DNAJB1: variants seen among roughly 807,000 people sequenced by gnomAD.
DNAJB1 encodes the protein DnaJ heat shock protein family (Hsp40) member B1.
In DNAJB1, 14 loss-of-function variants were observed where a neutral mutation model predicts 24.0. The ratio of observed to expected loss-of-function variants is 0.58; its 90% CI spans 0.39 to 0.91. DNAJB1 has a LOEUF of 0.91. Among genes scored for constraint, DNAJB1 ranks in the 40% least tolerant of loss-of-function variants. DNAJB1 has a pLI of 0.00. For missense variants in DNAJB1, 517 were observed against 458.1 expected (o/e 1.13, Z -1.17); for synonymous variants, 262 against 174.4 (o/e 1.50, Z -3.96).
chr19:14,538,325 T>C (rs1165270947), intron 1 of DNAJB1, among the ~76,000 whole-genome samples: 1 of 152,060 alleles, frequency 6.6e-6, no homozygotes, highest in Non-Finnish European at 1.5e-5. Context: ...AGCTTCAGTT[T>C]TGTCACCCTG....
At chr19:14,518,909 G>A (rs936743415), upstream of DNAJB1, among the ~76,000 whole-genome samples, 9 of 152,220 alleles carry the variant, frequency 5.9e-5, no homozygotes, top group African/African-American at 1.9e-4. Context: ...CTAACCCAGG[G>A]GCCCCCTTCT....
chr19:14,529,034 T>C (rs1202944023), intron 1 of DNAJB1: 1 of 155,768 alleles, frequency 6.4e-6, no homozygotes, highest in African/African-American at 2.4e-5. Context: ...CTCAAGGTTC[T>C]TGCAGGTTGG....
intron 1 of DNAJB1, among the ~76,000 whole-genome samples, chr19:14,534,924 C>T (rs1254850212): frequency 6.6e-6 from 1 of 152,174 alleles, no homozygotes; most frequent in Non-Finnish European, 1.5e-5. Flanking sequence ...TGATGCTGCC[C>T]TAGGACAGCT....
At chr19:14,525,148 G>A (rs1300514845) in intron 2 of DNAJB1, among the ~76,000 whole-genome samples, 3 of 149,366 alleles carry the variant, frequency 2.0e-5, no homozygotes, top group Non-Finnish European at 4.5e-5. Context: ...CAGGAGAATC[G>A]CTTGAACCCA....
upstream of DNAJB1, among the ~76,000 whole-genome samples, chr19:14,555,118 A>G (rs1034018954): frequency 1.3e-5 from 2 of 149,556 alleles, no homozygotes; most frequent in Non-Finnish European, 3.0e-5. Context: ...TTTGTCCCCC[A>G]GGCAGGGGTG....
At chr19:14,532,512 CAAAAAAAAAAAAA>C (rs748457923), upstream of DNAJB1, 1 of 73,708 alleles carries the variant, frequency 1.4e-5, no homozygotes, top group Admixed American at 1.5e-4. Flanking sequence ...GAGTCTGTCT[CAAAAAAAAAAAAA>C]AAAAAAAAAA....
Position 14,515,897 on chromosome 19 carries a change from G to T in DNAJB1, c.*43C>A. ...GGTAGAAAGGTCCAGAAATCCTTGAGCTCTGGAAAGGTCCCTGGTCAGTCC... is the reference window on the plus strand; with the variant it reads ...GGTAGAAAGGTCCAGAAATCCTTGATCTCTGGAAAGGTCCCTGGTCAGTCC... On this transcript the variant is annotated 3_prime_UTR_variant, in exon 3 of 3. Transcript: ENST00000254322. 6.3e-7 allele frequency: 1 copy of T among 1,577,728 alleles called. No individual in the cohort carries two copies. Among genetic ancestry groups the T allele is most frequent in the Non-Finnish European group, 8.6e-7 (1 of 1,158,146 alleles).
At chr19:14,527,344 G>A (rs2072446617) in intron 2 of DNAJB1, 1 of 151,692 alleles carries the variant, frequency 6.6e-6, no homozygotes, top group Admixed American at 6.6e-5. Context: ...ACCACACCCA[G>A]ATAATTTTTG....
At chr19:14,529,804 G>T (rs140756444), upstream of DNAJB1, 2 of 1,582,330 alleles carry the variant, frequency 1.3e-6, no homozygotes, top group African/African-American at 1.3e-5. Context: ...CTGGTCCTGT[G>T]CCCCGAAGGA....
intron 1 of DNAJB1, among the ~76,000 whole-genome samples, chr19:14,548,316 T>A (rs1232025975): frequency 6.6e-6 from 1 of 152,120 alleles, no homozygotes; most frequent in Non-Finnish European, 1.5e-5. Flanking sequence ...TTTTTCCTCT[T>A]GAACCTGCAT....
In DNAJB1 at chr19:14,516,879, T is replaced by C. The variant is rs779880650; in HGVS notation, c.379A>G (p.Ile127Val). Residue 127 changes from isoleucine (I) to valine (V), a missense_variant, in exon 2 of 3, where the codon ATT becomes GTT. By Grantham distance (29) the Ile-to-Val change is conservative (BLOSUM62 3). Transcript: ENST00000254322. Reference protein sequence around the residue: ...GQRNGEEGMDIDDPFSGFPMG... With the variant: ...GQRNGEEGMDVDDPFSGFPMG... ...GGGAAGCCAGAGAATGGGTCATCAA[T>C]GTCCATGCCTTCCTCCCCGTTCCGC... 5.0e-6 allele frequency: 8 copies of C among 1,614,120 alleles called. No homozygotes were observed. In the East Asian group the frequency reaches 6.7e-5, roughly 13 times the overall value.
At chr19:14,529,631 G>C (rs377724067), upstream of DNAJB1, 125 of 1,612,672 alleles carry the variant, frequency 7.8e-5, no homozygotes, top group Non-Finnish European at 9.7e-5. Context: ...GCTGTAGGGA[G>C]CCTGTGCTGT....
At chr19:14,543,369 T>C (rs1430321496) in intron 1 of DNAJB1, among the ~76,000 whole-genome samples, 1 of 137,830 alleles carries the variant, frequency 7.3e-6, no homozygotes, top group Non-Finnish European at 1.6e-5. Context: ...GTATTGCCTG[T>C]ATACTACTTG....
At chr19:14,547,692 T>A (rs1476514250) in intron 1 of DNAJB1, among the ~76,000 whole-genome samples, 1 of 151,060 alleles carries the variant, frequency 6.6e-6, no homozygotes, top group Non-Finnish European at 1.5e-5. Flanking sequence ...AGGGTCTCAT[T>A]CTGTCACCCA....
chr19:14,517,290 G>A, intron 1 of DNAJB1: 1 of 501,132 alleles, frequency 2.0e-6, no homozygotes, highest in South Asian at 2.7e-5. Context: ...TCACCTCCAG[G>A]TGCCACCTAG....
At chr19:14,551,087 T>C (rs890346580), upstream of DNAJB1, among the ~76,000 whole-genome samples, 1 of 152,020 alleles carries the variant, frequency 6.6e-6, no homozygotes, top group Non-Finnish European at 1.5e-5. Context: ...TTTTTCTTTT[T>C]TTGATATGGA....
rs2072276633 is a variant in DNAJB1 at position 14,516,976 on chromosome 19, G to A, written c.282C>T (p.Phe94=). The change falls in exon 2 of 3, where the codon TTC becomes TTT. Residue 94 remains phenylalanine, a synonymous_variant. Coordinates refer to ENST00000254322, the MANE Select transcript of DNAJB1 (RefSeq NM_006145.3). ...CAAACATGGCATGAGGGTCTCCATG[G>A]AATGTGTAGCTGAAAGAGGTACCAT... ...GANGTSFSYT[F]HGDPHAMFAE... is the part of the protein sequence containing the mutation. 3.7e-6 allele frequency: 6 copies of A among 1,612,856 alleles called. No homozygotes were observed. Among genetic ancestry groups the A allele is most frequent in the Non-Finnish European group, 5.1e-6 (6 of 1,180,000 alleles).
chr19:14,516,443 C>T (rs2146518966), intron 2 of DNAJB1, 23 bp downstream of exon 2: 3 of 1,604,182 alleles, frequency 1.9e-6, no homozygotes, highest in African/African-American at 2.7e-5. Context: ...CCTCTACAGA[C>T]ACCGCCCCAC....
At chr19:14,530,792 A>G (rs1252666176), upstream of DNAJB1, 1 of 152,130 alleles carries the variant, frequency 6.6e-6, no homozygotes. Context: ...ATACACATAA[A>G]ATTTACCATC....
Sources: allele counts gnomAD v4.1 joint callset (sites outside exome capture counted in the v4.1 genomes callset), GRCh38; gene constraint gnomAD v4.1.1; transcripts MANE v1.5; gene names NCBI Gene and HGNC (gene_info 2026-07-23, HGNC 2026-07-21).